DOCK5: variants seen among roughly 807,000 people sequenced by gnomAD.
DOCK5 encodes the protein dedicator of cytokinesis 5.
DOCK5 carries 142 observed loss-of-function variants against 251.8 expected under a neutral mutation model. The ratio of observed to expected loss-of-function variants is 0.56; its 90% CI spans 0.49 to 0.65. The LOEUF is 0.65. DOCK5 is among the 30% of genes least tolerant of loss of function. DOCK5 has a pLI of 0.00. For missense variants in DOCK5, 2,111 were observed against 2,312.3 expected (o/e 0.91, Z 1.79); for synonymous variants, 842 against 835.5 (o/e 1.01, Z -0.13).
chr8:25,288,223 C>T (rs1042683566), intron 5 of DOCK5, among the ~76,000 whole-genome samples: 2 of 152,110 alleles, frequency 1.3e-5, no homozygotes, highest in African/African-American at 2.4e-5. Context: ...GTTTTCTCTT[C>T]ACCTGTCCTC....
intron 1 of DOCK5, among the ~76,000 whole-genome samples, chr8:25,206,858 A>T (rs57095016): frequency 2.0e-5 from 3 of 152,228 alleles, no homozygotes; most frequent in Non-Finnish European, 2.9e-5. Context: ...AGTTGGTGGC[A>T]ACCTGAAGCC....
intron 32 of DOCK5, 139 bp from the exon 33 acceptor site, chr8:25,368,432 G>T: frequency 9.0e-7 from 1 of 1,114,442 alleles, no homozygotes. Flanking sequence ...GCATCCACAT[G>T]CTATCAGAAT....
intron 13 of DOCK5, among the ~76,000 whole-genome samples, chr8:25,311,509 C>T (rs980166398): frequency 1.9e-4 from 28 of 147,108 alleles, no homozygotes; most frequent in Non-Finnish European, 3.6e-4. Context: ...CACCACTGCA[C>T]TCCAGCCTGG....
Position 25,366,169 on chromosome 8 carries a change from T to C in DOCK5, c.3124-701T>C, listed in dbSNP as rs1014746763. Among the ~76,000 whole-genome samples the C allele has an allele frequency of 2.0e-5, 3 of 152,230 alleles. No homozygotes were observed. The South Asian group carries it at 6.2e-4, about 31-fold the overall frequency. ...TCTATTATATTAAATAACACTGTGA[T>C]GGACTTCCTTCCTTTAAATATTTAA... On this transcript the variant is annotated intron_variant, in intron 30 of 51. Coordinates refer to ENST00000276440, the MANE Select transcript of DOCK5 (RefSeq NM_024940.8).
At chr8:25,184,978 GC>G in intron 1 of DOCK5, 27 bp downstream of exon 1, 2 of 1,353,308 alleles carry the variant, frequency 1.5e-6, no homozygotes, top group Non-Finnish European at 1.9e-6. Context: ...CCTTGTCCCG[GC>G]CCGACCCACG....
Position 25,411,604 on chromosome 8 carries a change from C to G in DOCK5, c.*306C>G, listed in dbSNP as rs1448757560. On this transcript the variant is annotated 3_prime_UTR_variant, in exon 52 of 52. Coordinates refer to ENST00000276440, the MANE Select transcript of DOCK5 (RefSeq NM_024940.8). Reference sequence around the variant, plus strand: ...GCCTGTACGGCAGAGACATGGTGGTCTGCACAAGCCTGGACAAGTTCTTCC... The same window carrying G: ...GCCTGTACGGCAGAGACATGGTGGTGTGCACAAGCCTGGACAAGTTCTTCC... 3 of 254,462 alleles carry G rather than the reference C, an allele frequency of 1.2e-5. No homozygotes were observed. The highest frequency in any genetic ancestry group is 6.7e-5 in the African/African-American group (3 of 45,090). 15.8% of individuals were successfully genotyped at this position (254,462 alleles called of 1,614,324 possible). A position where few individuals can be genotyped will look rare whatever the true frequency, so the allele number is the denominator to read the frequency against.
intron 2 of DOCK5, among the ~76,000 whole-genome samples, chr8:25,249,231 C>T (rs1422049618): frequency 6.6e-6 from 1 of 152,122 alleles, no homozygotes; most frequent in Non-Finnish European, 1.5e-5. Flanking sequence ...GAACTCCCGG[C>T]CCTTAGCGAT....
chr8:25,300,585 T>C lies in DOCK5; in HGVS notation c.774T>C (p.Tyr258=). ...TTTTTTCCTTTGCCAGTGAGAACTA[T>C]CTAATTCGTTGGGGCAGTAACGGGA... ...PDQSTFISEN[Y]LIRWGSNGMP... is the part of the protein sequence containing the mutation. Residue 258 remains tyrosine (Y), a synonymous_variant, in exon 9 of 52, where the codon TAT becomes TAC. Coordinates refer to ENST00000276440, the MANE Select transcript of DOCK5 (RefSeq NM_024940.8). 2 of 1,612,952 alleles carry C rather than the reference T, an allele frequency of 1.2e-6. No individual in the cohort carries two copies. Among genetic ancestry groups the C allele is most frequent in the Non-Finnish European group, 1.7e-6 (2 of 1,179,484 alleles).
intron 5 of DOCK5, among the ~76,000 whole-genome samples, chr8:25,291,408 C>T (rs574121790): frequency 1.6e-4 from 25 of 152,138 alleles, no homozygotes; most frequent in Admixed American, 4.6e-4. Flanking sequence ...TCAGGCTAGG[C>T]GCAGTGGCTC....
intron 40 of DOCK5, among the ~76,000 whole-genome samples, chr8:25,383,933 C>G (rs548290424): frequency 3.9e-5 from 6 of 152,120 alleles, no homozygotes; most frequent in Non-Finnish European, 7.4e-5. Context: ...AGTATTTACC[C>G]AAGTGAAATA....
intron 9 of DOCK5, among the ~76,000 whole-genome samples, chr8:25,302,098 G>C (rs1163520245): frequency 3.9e-5 from 6 of 152,218 alleles, no homozygotes; most frequent in African/African-American, 1.4e-4. Context: ...TAAATTTGAA[G>C]TAGGAACTGG....
At chr8:25,309,013 C>G (rs991887636) in intron 12 of DOCK5, 88 bp downstream of exon 12, 10 of 1,497,946 alleles carry the variant, frequency 6.7e-6, no homozygotes, top group Non-Finnish European at 9.0e-6. Context: ...CCTTTATTAT[C>G]TTTCTCTGAT....
intron 44 of DOCK5, among the ~76,000 whole-genome samples, chr8:25,395,299 T>C (rs192633319): frequency 3.7e-4 from 57 of 152,256 alleles, no homozygotes; most frequent in Non-Finnish European, 7.4e-4. Flanking sequence ...TAAATACAGA[T>C]GAAGCTTCCC....
intron 28 of DOCK5, among the ~76,000 whole-genome samples, chr8:25,361,049 C>A (rs1800669607): frequency 1.3e-5 from 2 of 152,258 alleles, no homozygotes; most frequent in South Asian, 4.1e-4. Context: ...CCTTTGCCTC[C>A]CAGTGGCCTT....
In DOCK5 at chr8:25,325,528, C is replaced by G; in HGVS notation, c.1884C>G (p.Ser628=). Residue 628 remains serine, a synonymous_variant, in exon 18 of 52, where the codon TCC becomes TCG. Transcript: ENST00000276440. ...DSFQIATLIC[S]TKLTQNVDLL... is the part of the protein sequence containing the mutation. ...TTCAGATTGCCACCCTCATCTGCTC[C>G]ACAAAGCTCACCCAGAATGGTAGGA... is the stretch of plus-strand genomic sequence containing the variant. 1 of 1,613,642 alleles carries G rather than the reference C, an allele frequency of 6.2e-7. No homozygotes were observed. The highest frequency in any genetic ancestry group is 8.5e-7 in the Non-Finnish European group (1 of 1,179,656).
chr8:25,320,702 C>T (rs572475121), intron 15 of DOCK5, among the ~76,000 whole-genome samples: 1 of 152,184 alleles, frequency 6.6e-6, no homozygotes, highest in Non-Finnish European at 1.5e-5. Context: ...CCTCAAAATA[C>T]CAGTATTTCC....
At chr8:25,214,804 G>A (rs900301542) in intron 1 of DOCK5, among the ~76,000 whole-genome samples, 8 of 152,300 alleles carry the variant, frequency 5.3e-5, no homozygotes, top group African/African-American at 1.2e-4. Context: ...GTTGTGACAC[G>A]CGAGAGAGCC....
At chr8:25,398,932 C>G (rs1284539567) in intron 45 of DOCK5, among the ~76,000 whole-genome samples, 1 of 152,208 alleles carries the variant, frequency 6.6e-6, no homozygotes, top group Admixed American at 6.5e-5. Context: ...TTTGCACATA[C>G]TTTGTTTGCC....
intron 2 of DOCK5, among the ~76,000 whole-genome samples, chr8:25,253,128 A>G (rs943032686): frequency 6.6e-6 from 1 of 152,188 alleles, no homozygotes; most frequent in Non-Finnish European, 1.5e-5. Flanking sequence ...CTAAAATTCC[A>G]TCTTTAAAAA....
Sources: allele counts gnomAD v4.1 joint callset (sites outside exome capture counted in the v4.1 genomes callset), GRCh38; gene constraint gnomAD v4.1.1; transcripts MANE v1.5; gene names NCBI Gene and HGNC (gene_info 2026-07-23, HGNC 2026-07-21).